The following RANBP2 variants were observed in gnomAD, a reference collection of about 807,000 sequenced individuals.
RANBP2 encodes RAN binding protein 2.
In RANBP2, 57 loss-of-function variants were observed where a neutral mutation model predicts 303.6. That is an observed-to-expected ratio of 0.19 (90% confidence interval 0.15 to 0.23). The LOEUF (loss-of-function observed/expected upper bound fraction) is 0.23. Ranked by LOEUF, RANBP2 falls within the 10% of genes least tolerant of loss-of-function variation. The pLI, the probability that RANBP2 is intolerant of heterozygous loss-of-function variation, is 1.00. For synonymous variants in RANBP2, 1,167 were observed against 1,301.5 expected (o/e 0.90, Z 2.23); for missense variants, 3,138 against 3,780.8 (o/e 0.83, Z 4.46).
the RANBP2 span, among the ~76,000 whole-genome samples, chr2:109,078,096 A>ATATATATATATATATAGCG: frequency 1.3e-3 from 69 of 54,622 alleles, 4 homozygotes; most frequent in African/African-American, 6.6e-3. Flanking sequence ...ATATATATAT[A>ATATATATATATATATAGCG]TATATATATA....
At chr2:108,957,357 T>C in the RANBP2 span, among the ~76,000 whole-genome samples, 1 of 152,234 alleles carries the variant, frequency 6.6e-6, no homozygotes, top group Non-Finnish European at 1.5e-5. Context: ...CCAAAGGTCT[T>C]AGTCACTGGT....
At chr2:109,046,785 T>C in the RANBP2 span, among the ~76,000 whole-genome samples, 3 of 152,260 alleles carry the variant, frequency 2.0e-5, no homozygotes, top group East Asian at 5.8e-4. Flanking sequence ...CTGCCTCCTC[T>C]GGGCTCCTGT....
At chr2:109,252,620 T>A in the RANBP2 span, among the ~76,000 whole-genome samples, 3 of 152,182 alleles carry the variant, frequency 2.0e-5, no homozygotes, top group Non-Finnish European at 4.4e-5. Context: ...CCATCAATAG[T>A]TGGAAGTATC....
the RANBP2 span, among the ~76,000 whole-genome samples, chr2:109,338,349 C>T: frequency 6.6e-6 from 1 of 152,034 alleles, no homozygotes; most frequent in Non-Finnish European, 1.5e-5. Context: ...TCATGGCCAC[C>T]CTCAAAACTC....
chr2:109,314,720 A>G, the RANBP2 span, among the ~76,000 whole-genome samples: 1 of 152,220 alleles, frequency 6.6e-6, no homozygotes, highest in Non-Finnish European at 1.5e-5. Context: ...TCTTTTTACA[A>G]GTGCATAATA....
At chr2:108,794,706 ACATCTGAAATTG>A in the RANBP2 span, 1 of 1,603,784 alleles carries the variant, frequency 6.2e-7, no homozygotes, top group South Asian at 1.1e-5. Flanking sequence ...TATTTCAGAT[ACATCTGAAATTG>A]CAGGTAAGAA....
chr2:109,686,906 T>G, the RANBP2 span, among the ~76,000 whole-genome samples: 2 of 152,336 alleles, frequency 1.3e-5, no homozygotes, highest in East Asian at 1.9e-4. Flanking sequence ...CCTGGTCAGT[T>G]TCAGTACTTT....
chr2:109,224,034 A>G, the RANBP2 span, among the ~76,000 whole-genome samples: 8 of 152,200 alleles, frequency 5.3e-5, no homozygotes, highest in South Asian at 2.1e-4. Context: ...ATCTGTCCAC[A>G]TGGCTCATTA....
In RANBP2 at chr2:108,771,812, C is replaced by T; in HGVS notation, c.7961C>T (p.Pro2654Leu). The change falls in exon 21 of 29, where the codon CCT (proline) becomes CTT (leucine). Residue 2654 changes from proline (P) to leucine (L), a missense_variant. Around this residue, in one of 20 missense-constraint regions of RANBP2, gnomAD observed 497 missense variants for 465.8 expected, o/e 1.07. Coordinates refer to ENST00000283195, the MANE Select transcript of RANBP2 (RefSeq NM_006267.5). Reference protein sequence around the residue: ...QKALATKLKLPPTFFCYKNRP... With the variant: ...QKALATKLKLLPTFFCYKNRP... ...GCCCTTGCAACCAAACTTAAACTTC[C>T]TCCAACTTTCTTCTGCTACAAGAAT... The T allele has an allele frequency of 5.0e-6, 8 of 1,614,064 alleles. No homozygotes were observed. The highest frequency in any genetic ancestry group is 6.8e-6 in the Non-Finnish European group (8 of 1,179,958).
chr2:109,744,908 C>A, the RANBP2 span, among the ~76,000 whole-genome samples: 1 of 8,534 alleles, frequency 1.2e-4, no homozygotes, highest in African/African-American at 2.3e-4. Context: ...ATCTACTAAT[C>A]AAGCTCTTTG....
At chr2:109,120,352 G>A in the RANBP2 span, among the ~76,000 whole-genome samples, 3 of 152,156 alleles carry the variant, frequency 2.0e-5, no homozygotes, top group Non-Finnish European at 4.4e-5. Context: ...CTCCCCTCAG[G>A]CCACCTGGAC....
intron 7 of RANBP2, among the ~76,000 whole-genome samples, chr2:108,742,021 G>A (rs185353032): frequency 6.6e-6 from 1 of 151,908 alleles, no homozygotes; most frequent in East Asian, 1.9e-4. Flanking sequence ...TTTGAGACGG[G>A]GTTTTGCTCT....
the RANBP2 span, among the ~76,000 whole-genome samples, chr2:108,880,714 ATACTT>A: frequency 3.3e-5 from 5 of 152,180 alleles, no homozygotes; most frequent in African/African-American, 1.2e-4. Context: ...CATTTCCTGA[ATACTT>A]TAAGCCTGCT....
At chr2:109,420,734 C>T in the RANBP2 span, among the ~76,000 whole-genome samples, 4 of 152,100 alleles carry the variant, frequency 2.6e-5, no homozygotes, top group Non-Finnish European at 5.9e-5. Context: ...CATGAGCCAC[C>T]GCGCCCGGCC....
chr2:109,237,385 A>T, the RANBP2 span, among the ~76,000 whole-genome samples: 16 of 152,342 alleles, frequency 1.1e-4, no homozygotes, highest in African/African-American at 3.8e-4. Flanking sequence ...AGTAACAAAG[A>T]GTATAAAAAA....
At chr2:109,129,879 G>A in the RANBP2 span, 1 of 1,521,944 alleles carries the variant, frequency 6.6e-7, no homozygotes, top group Non-Finnish European at 8.8e-7. Context: ...CCAACATCTT[G>A]CTGGTGCGAC....
At chr2:109,023,295 C>T in the RANBP2 span, among the ~76,000 whole-genome samples, 1 of 152,212 alleles carries the variant, frequency 6.6e-6, no homozygotes, top group Non-Finnish European at 1.5e-5. Context: ...TCCCAAACTT[C>T]AGTGCCCAAA....
At chr2:109,585,055 G>T in the RANBP2 span, 1 of 844,238 alleles carries the variant, frequency 1.2e-6, no homozygotes, top group Non-Finnish European at 1.8e-6. Context: ...TCAAATCATA[G>T]TTCATGGGGC....
At chr2:109,676,828 G>A in the RANBP2 span, among the ~76,000 whole-genome samples, 1 of 152,184 alleles carries the variant, frequency 6.6e-6, no homozygotes, top group African/African-American at 2.4e-5. Context: ...ATCTTCTTGA[G>A]AGAGGGTAAT....
Sources: gnomAD v4.1 joint callset for allele counts (sites outside exome capture counted in the v4.1 genomes callset) on GRCh38, gnomAD v4.1.1 for gene constraint, gnomAD v4.1.1 regional missense constraint, MANE v1.5 for transcripts, NCBI Gene and HGNC (gene_info 2026-07-23, HGNC 2026-07-21) for gene names.